Variants in TNS3 observed in about 807,000 individuals in gnomAD.
The protein encoded by TNS3 is tensin 3, also known as tensin-3.
A neutral mutation model predicts 140.9 loss-of-function variants in TNS3; 45 were observed. The observed-to-expected ratio is 0.32, with a 90% CI of 0.25 to 0.41. The LOEUF (loss-of-function observed/expected upper bound fraction) is 0.41, where lower values mean the gene tolerates loss of function less well. TNS3 is among the 10% of genes least tolerant of loss of function. The probability of loss-of-function intolerance (pLI) is 1.00; values close to 1 mark genes in which losing one functional copy is unlikely to be tolerated. For synonymous variants in TNS3, 815 were observed against 788.4 expected (o/e 1.03, Z -0.56); for missense variants, 1,716 against 1,906.7 (o/e 0.90, Z 1.86).
At chr7:47,375,254 C>T (rs1253540208) in intron 16 of TNS3, among the ~76,000 whole-genome samples, 3 of 152,122 alleles carry the variant, frequency 2.0e-5, no homozygotes, top group Non-Finnish European at 2.9e-5. Context: ...TCATCCCATT[C>T]GGTGTCCCCT....
intron 3 of TNS3, among the ~76,000 whole-genome samples, chr7:47,495,807 GT>G (rs1398983306): frequency 6.6e-6 from 1 of 152,228 alleles, no homozygotes; most frequent in Non-Finnish European, 1.5e-5. Flanking sequence ...TGCATATGGT[GT>G]CTAAACATTG....
Position 47,369,330 on chromosome 7 carries a change from C to G in TNS3, c.1316G>C (p.Ser439Thr). The G allele has an allele frequency of 6.2e-7, 1 of 1,614,222 alleles. No homozygotes were observed. The highest frequency in any genetic ancestry group is 1.1e-5 in the South Asian group (1 of 91,086). The change falls in exon 17 of 31, where the codon AGC becomes ACC. Residue 439 changes from serine (S) to threonine (T), a missense_variant. By Grantham distance (58) the Ser-to-Thr change is moderately conservative. This residue lies in a region of TNS3 where 1,163 missense variants were observed against 1,182.1 expected (regional missense o/e 0.98). Transcript: ENST00000311160. Reference protein sequence around the residue: ...LSGFGLEDPGSSLKEMTDARS... With the variant: ...LSGFGLEDPGTSLKEMTDARS... The stretch of plus-strand genomic sequence containing the variant: ...AGCATCAGTCATTTCCTTGAGGGAG[C>G]TTCCAGGATCTTCCAGGCCAAAGCC...
chr7:47,335,018 C>T (rs375214895), intron 20 of TNS3, among the ~76,000 whole-genome samples: 1 of 152,102 alleles, frequency 6.6e-6, no homozygotes, highest in South Asian at 2.1e-4. Flanking sequence ...TTACATCTTA[C>T]ATTTCATAAT....
intron 1 of TNS3, among the ~76,000 whole-genome samples, chr7:47,561,319 T>C (rs1033633594): frequency 2.6e-5 from 4 of 152,298 alleles, no homozygotes; most frequent in Non-Finnish European, 5.9e-5. Context: ...TGTTAGAGAC[T>C]GTTGTGTTCC....
intron 2 of TNS3, among the ~76,000 whole-genome samples, chr7:47,516,915 T>G (rs1798795900): frequency 6.6e-6 from 1 of 151,920 alleles, no homozygotes; most frequent in Admixed American, 6.6e-5. Context: ...CTACAAAAAT[T>G]AGCCAGGCGT....
chr7:47,303,802 G>A (rs1786573596), intron 21 of TNS3, among the ~76,000 whole-genome samples: 1 of 152,204 alleles, frequency 6.6e-6, no homozygotes, highest in Non-Finnish European at 1.5e-5. Context: ...GGATGCTGCA[G>A]CCCGCATGAG....
chr7:47,336,296 A>T (rs2150947147), intron 20 of TNS3, among the ~76,000 whole-genome samples: 1 of 152,094 alleles, frequency 6.6e-6, no homozygotes, highest in Non-Finnish European at 1.5e-5. Flanking sequence ...CCTGTGGTGT[A>T]AACAATCCCG....
rs1297036797 is a variant in TNS3 at position 47,293,738 on chromosome 7, T to C, written c.3767A>G (p.Tyr1256Cys). ...VRLKGCSNEP[Y>C]FGSLTALVCQ... Reference sequence around the variant, plus strand: ...CAACCTCTCAAGCAACTCACCGAAATATGGTTCATTCGAGCACCCTTTCAA... The same window carrying C: ...CAACCTCTCAAGCAACTCACCGAAACATGGTTCATTCGAGCACCCTTTCAA... The change falls in exon 25 of 31, where the codon TAT becomes TGT. Residue 1256 changes from tyrosine to cysteine, a missense_variant. Physicochemically the swap from Tyr to Cys is radical, Grantham distance 194. Transcript: ENST00000311160. The C allele has an allele frequency of 5.0e-6, 8 of 1,613,912 alleles. No individual in the cohort carries two copies. Among genetic ancestry groups the C allele is most frequent in the Non-Finnish European group, 8.5e-7 (1 of 1,179,974 alleles).
At chr7:47,450,612 C>A (rs1167821580) in intron 4 of TNS3, among the ~76,000 whole-genome samples, 1 of 152,240 alleles carries the variant, frequency 6.6e-6, no homozygotes, top group Non-Finnish European at 1.5e-5. Context: ...GCAGAGGTGA[C>A]CATCCCTCTT....
chr7:47,507,048 A>T, intron 2 of TNS3, 104 bp from the exon 3 acceptor site: 6 of 990,012 alleles, frequency 6.1e-6, no homozygotes, highest in Non-Finnish European at 8.2e-6. Flanking sequence ...TGGCTTGAAG[A>T]TCCCATAGGT....
At chr7:47,432,094 A>G (rs910146652) in intron 8 of TNS3, among the ~76,000 whole-genome samples, 1 of 151,706 alleles carries the variant, frequency 6.6e-6, no homozygotes, top group Non-Finnish European at 1.5e-5. Context: ...ACCGAAAAAA[A>G]GAGAAAACTT....
intron 1 of TNS3, chr7:47,579,540 A>G (rs1343320041): frequency 6.6e-6 from 1 of 152,228 alleles, no homozygotes; most frequent in Non-Finnish European, 1.5e-5. Context: ...GCAGGGATCT[A>G]AACAATGCTT....
chr7:47,466,764 A>G (rs1337110016), intron 4 of TNS3, among the ~76,000 whole-genome samples: 1 of 152,206 alleles, frequency 6.6e-6, no homozygotes, highest in Non-Finnish European at 1.5e-5. Context: ...CTAGAGCCAG[A>G]CAGTCATTTA....
intron 16 of TNS3, among the ~76,000 whole-genome samples, chr7:47,370,588 C>A (rs557318959): frequency 2.0e-5 from 3 of 152,368 alleles, no homozygotes; most frequent in African/African-American, 7.2e-5. Flanking sequence ...AAGCCTCAAT[C>A]TGCTGACTGG....
intron 1 of TNS3, chr7:47,557,086 A>G (rs1240076358): frequency 8.8e-6 from 4 of 456,812 alleles, no homozygotes; most frequent in South Asian, 6.2e-5. Context: ...CCAGTTGGTG[A>G]TGCATCCGAA....
At chr7:47,368,274 A>G in intron 17 of TNS3, 91 bp downstream of exon 17, 1 of 1,292,376 alleles carries the variant, frequency 7.7e-7, no homozygotes, top group Non-Finnish European at 1.0e-6. Context: ...GGATTTCGCC[A>G]AAAGCTAACC....
At chr7:47,482,044 G>C (rs891974146) in intron 3 of TNS3, among the ~76,000 whole-genome samples, 3 of 152,212 alleles carry the variant, frequency 2.0e-5, no homozygotes, top group African/African-American at 4.8e-5. Flanking sequence ...GCGCTGCTCT[G>C]GGGGGCCGCT....
intron 3 of TNS3, among the ~76,000 whole-genome samples, chr7:47,496,898 G>C (rs1400349022): frequency 6.6e-6 from 1 of 152,212 alleles, no homozygotes; most frequent in African/African-American, 2.4e-5. Context: ...CAGGAGGCTG[G>C]GGGGAGTAGA....
intron 27 of TNS3, among the ~76,000 whole-genome samples, chr7:47,289,635 C>T (rs529175718): frequency 1.3e-5 from 2 of 152,200 alleles, no homozygotes; most frequent in Non-Finnish European, 2.9e-5. Context: ...ATTAAATACA[C>T]AATACCATTT....
Sources: gnomAD v4.1 joint callset for allele counts (sites outside exome capture counted in the v4.1 genomes callset) on GRCh38, gnomAD v4.1.1 for gene constraint, gnomAD v4.1.1 regional missense constraint, MANE v1.5 for transcripts, NCBI Gene and HGNC (gene_info 2026-07-23, HGNC 2026-07-21) for gene names.